Variants in RAB3IP observed in about 807,000 individuals in gnomAD.
RAB3IP encodes RAB3A interacting protein, also known as rab-3A-interacting protein.
A neutral mutation model predicts 59.1 loss-of-function variants in RAB3IP; 36 were observed. That is an observed-to-expected ratio of 0.61 (90% confidence interval 0.47 to 0.80). The LOEUF is 0.80. RAB3IP is among the 30% of genes least tolerant of loss of function. The pLI is 0.00. For missense variants in RAB3IP, 511 were observed against 536.0 expected, an observed-to-expected ratio of 0.95 and a Z score of 0.46; for synonymous variants, 207 against 191.2, an observed-to-expected ratio of 1.08 and a Z score of -0.68.
intron 8 of RAB3IP, among the ~76,000 whole-genome samples, chr12:69,807,950 A>T (rs10219700): frequency 1.3e-5 from 2 of 151,916 alleles, no homozygotes; most frequent in African/African-American, 4.8e-5. Flanking sequence ...CGGGTTGGCC[A>T]GGCAGATCTC....
intron 6 of RAB3IP, among the ~76,000 whole-genome samples, chr12:69,798,715 A>G (rs1283432186): frequency 6.6e-6 from 1 of 152,226 alleles, no homozygotes; most frequent in Non-Finnish European, 1.5e-5. Flanking sequence ...GGTATAAGGA[A>G]GGGATCCAAT....
intron 4 of RAB3IP, among the ~76,000 whole-genome samples, chr12:69,793,095 G>A (rs1876892914): frequency 1.3e-5 from 2 of 152,126 alleles, no homozygotes; most frequent in South Asian, 4.1e-4. Flanking sequence ...GAAAAATTCA[G>A]CAAATCTGAA....
chr12:69,762,783 A>T (rs975924202), intron 3 of RAB3IP, among the ~76,000 whole-genome samples: 1 of 147,342 alleles, frequency 6.8e-6, no homozygotes, highest in African/African-American at 2.6e-5. Context: ...AAAAAAAGAA[A>T]AAAGAGAAAA....
At chr12:69,788,293 G>A (rs1876035436) in intron 4 of RAB3IP, among the ~76,000 whole-genome samples, 2 of 152,024 alleles carry the variant, frequency 1.3e-5, no homozygotes, top group Admixed American at 6.6e-5. Context: ...AACCTAGATG[G>A]TACAGCCTAT....
At chr12:69,807,832 G>A (rs1445873537) in intron 8 of RAB3IP, among the ~76,000 whole-genome samples, 2 of 148,158 alleles carry the variant, frequency 1.3e-5, no homozygotes, top group African/African-American at 5.0e-5. Context: ...TCCCAGACGG[G>A]GCGGCCGTGC....
At chr12:69,809,623 TTC>T (rs776018857) in intron 8 of RAB3IP, among the ~76,000 whole-genome samples, 8 of 152,322 alleles carry the variant, frequency 5.3e-5, no homozygotes, top group Non-Finnish European at 1.0e-4. Context: ...TTCTCTAAAC[TTC>T]TCTTCACGCT....
chr12:69,779,372 C>G (rs1322327347), intron 3 of RAB3IP, among the ~76,000 whole-genome samples: 1 of 151,162 alleles, frequency 6.6e-6, no homozygotes, highest in African/African-American at 2.4e-5. Context: ...AATCACCCGT[C>G]TTCTGCGTCG....
chr12:69,761,870 C>G (rs1051859758), intron 3 of RAB3IP, among the ~76,000 whole-genome samples: 3 of 152,148 alleles, frequency 2.0e-5, no homozygotes, highest in Non-Finnish European at 2.9e-5. Flanking sequence ...GTAGGCAGTT[C>G]TCTGTGAAAT....
In RAB3IP at chr12:69,821,489, C is replaced by G. The variant is rs929522301; in HGVS notation, c.*6043C>G. On this transcript the variant is annotated 3_prime_UTR_variant, in exon 11 of 11. Transcript: ENST00000247833. ...TCTGATTAATAGAGATTTTCTAGTCCTCCCAGCAACTTCCTTCTCAATTCT... is the reference window on the plus strand; with the variant it reads ...TCTGATTAATAGAGATTTTCTAGTCGTCCCAGCAACTTCCTTCTCAATTCT... 3.3e-5 allele frequency: 5 copies of G among 152,074 alleles called. No individual in the cohort carries two copies. Among genetic ancestry groups the G allele is most frequent in the African/African-American group, 1.2e-4 (5 of 41,418 alleles). The allele number at this position is 152,074 out of a possible 1,614,324, so 9.4% of individuals were successfully genotyped here.
chr12:69,753,322 A>C (rs1869638120), intron 1 of RAB3IP, among the ~76,000 whole-genome samples: 1 of 152,172 alleles, frequency 6.6e-6, no homozygotes, highest in Non-Finnish European at 1.5e-5. Context: ...TCTGTATCTT[A>C]TGGAAGAAAT....
At chr12:69,772,182 T>TA (rs942965374) in intron 3 of RAB3IP, among the ~76,000 whole-genome samples, 34 of 152,286 alleles carry the variant, frequency 2.2e-4, no homozygotes, top group African/African-American at 8.2e-4. Flanking sequence ...TGTTTCTTCT[T>TA]ACAATTTTTG....
intron 1 of RAB3IP, among the ~76,000 whole-genome samples, chr12:69,741,693 C>T (rs1428098628): frequency 1.3e-5 from 2 of 152,196 alleles, no homozygotes; most frequent in African/African-American, 4.8e-5. Context: ...GTAGTTTGCT[C>T]AACGTCACAT....
At chr12:69,744,377 A>C (rs1887642859) in intron 1 of RAB3IP, among the ~76,000 whole-genome samples, 1 of 149,624 alleles carries the variant, frequency 6.7e-6, no homozygotes. Flanking sequence ...AACTGTCAAC[A>C]TAACACACTG....
intron 6 of RAB3IP, among the ~76,000 whole-genome samples, chr12:69,798,792 A>ATCTT (rs1877928661): frequency 6.6e-6 from 1 of 152,170 alleles, no homozygotes; most frequent in Non-Finnish European, 1.5e-5. Flanking sequence ...ATAAATTTGC[A>ATCTT]TCTTTCTTAA....
intron 6 of RAB3IP, among the ~76,000 whole-genome samples, chr12:69,797,356 T>C (rs1877592211): frequency 6.6e-6 from 1 of 152,172 alleles, no homozygotes; most frequent in Admixed American, 6.5e-5. Flanking sequence ...GTAAAGTGCT[T>C]ACGGTGGTTC....
chr12:69,754,492 T>C (rs1869873472), intron 1 of RAB3IP, among the ~76,000 whole-genome samples: 1 of 152,148 alleles, frequency 6.6e-6, no homozygotes, highest in South Asian at 2.1e-4. Context: ...GTGTGTGTCT[T>C]TACCGCCTTT....
chr12:69,784,888 A>G (rs1368788886), intron 4 of RAB3IP, 73 bp downstream of exon 4: 4 of 829,142 alleles, frequency 4.8e-6, no homozygotes, highest in South Asian at 1.6e-5. Context: ...ATTTTGAGGG[A>G]ATCTTGAAAA....
rs1415676970 is a variant in RAB3IP, at chr12:69,819,539, A to G, written c.*4093A>G. On this transcript the variant is annotated 3_prime_UTR_variant, in exon 11 of 11. Coordinates refer to ENST00000247833, the MANE Select transcript of RAB3IP (RefSeq NM_022456.5). ...GCGCTTTAGGGACACTTTGGAGATG[A>G]AGTACAGCACTGAGCCCTGAGTTCC... 1 of 152,310 alleles carries G rather than the reference A, an allele frequency of 6.6e-6. No individual in the cohort carries two copies. The highest frequency in any genetic ancestry group is 2.4e-5 in the African/African-American group (1 of 41,460). 9.4% of individuals were successfully genotyped at this position (152,310 alleles called of 1,614,324 possible).
Position 69,819,191 on chromosome 12 carries a change from G to A in RAB3IP, c.*3745G>A, listed in dbSNP as rs1260411693. 6.6e-6 allele frequency: 1 copy of A among 152,178 alleles called. No individual in the cohort carries two copies. 9.4% of individuals were successfully genotyped at this position (152,178 alleles called of 1,614,324 possible). A position where few individuals can be genotyped will look rare whatever the true frequency, so the allele number is the denominator to read the frequency against. The stretch of plus-strand genomic sequence containing the variant: ...AGCATTATTACTAGCTCAGTTATAT[G>A]TGCCTTCATTCCAAAACAAAAAATA... On this transcript the variant is annotated 3_prime_UTR_variant, in exon 11 of 11. Transcript: ENST00000247833.
Sources: gnomAD v4.1 joint callset for allele counts (sites outside exome capture counted in the v4.1 genomes callset) on GRCh38, gnomAD v4.1.1 for gene constraint, MANE v1.5 for transcripts, NCBI Gene and HGNC (gene_info 2026-07-23, HGNC 2026-07-21) for gene names.